The following NINL variants were observed in gnomAD, a reference collection of about 807,000 sequenced individuals.
NINL encodes the protein ninein like.
NINL carries 153 observed loss-of-function variants against 160.3 expected under a neutral mutation model. The ratio of observed to expected loss-of-function variants is 0.95; its 90% CI spans 0.84 to 1.09. The LOEUF (loss-of-function observed/expected upper bound fraction) is 1.09, where lower values mean the gene tolerates loss of function less well. NINL is among the 50% of genes least tolerant of loss of function. NINL has a pLI of 0.00. For missense variants in NINL, 1,829 were observed against 1,764.0 expected (o/e 1.04, Z -0.66); for synonymous variants, 800 against 734.8 (o/e 1.09, Z -1.43).
intron 1 of NINL, among the ~76,000 whole-genome samples, chr20:25,555,615 C>T (rs1274886973): frequency 2.0e-5 from 3 of 152,154 alleles, no homozygotes; most frequent in Admixed American, 1.3e-4. Flanking sequence ...CCTGTAATCC[C>T]AGCACTTTGG....
intron 1 of NINL, among the ~76,000 whole-genome samples, chr20:25,556,564 G>A (rs1311816719): frequency 6.6e-6 from 1 of 152,160 alleles, no homozygotes; most frequent in Non-Finnish European, 1.5e-5. Context: ...GGTCAAGGTT[G>A]CAGTGAGCCA....
At chr20:25,463,923 G>A (rs183879841) in intron 19 of NINL, among the ~76,000 whole-genome samples, 32 of 152,304 alleles carry the variant, frequency 2.1e-4, no homozygotes, top group African/African-American at 6.3e-4. Context: ...CGACATAAGC[G>A]TGTGGCAGTT....
intron 1 of NINL, among the ~76,000 whole-genome samples, chr20:25,532,603 G>GCTCCT (rs750609536): frequency 1.5e-4 from 23 of 152,190 alleles, no homozygotes; most frequent in East Asian, 3.9e-4. Flanking sequence ...ATTCAGAGCC[G>GCTCCT]CTCCTCTCCT....
intron 14 of NINL, 179 bp downstream of exon 14, chr20:25,481,789 G>T: frequency 1.1e-6 from 1 of 896,498 alleles, no homozygotes; most frequent in Non-Finnish European, 1.7e-6. Flanking sequence ...CTTCCGTGTT[G>T]CAAGGTCACC....
chr20:25,522,503 T>C (rs1051187006), intron 2 of NINL, among the ~76,000 whole-genome samples: 1 of 152,238 alleles, frequency 6.6e-6, no homozygotes, highest in African/African-American at 2.4e-5. Flanking sequence ...CTTGAATGCA[T>C]GTCCTTTCAC....
chr20:25,470,773 C>G (rs2063075480), intron 17 of NINL, among the ~76,000 whole-genome samples: 1 of 152,114 alleles, frequency 6.6e-6, no homozygotes. Flanking sequence ...GGCAGGAAGA[C>G]TGCTTGAGCC....
At chr20:25,466,943 C>T (rs563834939) in intron 19 of NINL, among the ~76,000 whole-genome samples, 11 of 152,330 alleles carry the variant, frequency 7.2e-5, no homozygotes, top group Non-Finnish European at 7.3e-5. Flanking sequence ...CCTGTCTCTA[C>T]TAAAAACACA....
At chr20:25,462,157 G>C (rs573427624) in intron 20 of NINL, among the ~76,000 whole-genome samples, 7 of 152,306 alleles carry the variant, frequency 4.6e-5, no homozygotes, top group Non-Finnish European at 8.8e-5. Context: ...GGGGAACTTT[G>C]TACCAATTCA....
rs139115585 is a variant in NINL at position 25,454,772 on chromosome 20, G to A, written c.3957+901C>T. On this transcript the variant is annotated intron_variant, in intron 23 of 23. Transcript: ENST00000278886. ...CCCTCAGGGCACAGCACTGCTGCACGTCAGTTCCCACCTGCTGAGTTGGAC... is the reference window on the plus strand; with the variant it reads ...CCCTCAGGGCACAGCACTGCTGCACATCAGTTCCCACCTGCTGAGTTGGAC... Among the ~76,000 whole-genome samples the A allele has an allele frequency of 1.6e-3, 241 of 152,286 alleles. 2 individuals carry two copies. Among genetic ancestry groups the A allele is most frequent in the African/African-American group, 5.5e-3 (229 of 41,568 alleles).
At chr20:25,539,542 G>A (rs1325700786) in intron 1 of NINL, among the ~76,000 whole-genome samples, 1 of 152,200 alleles carries the variant, frequency 6.6e-6, no homozygotes, top group Non-Finnish European at 1.5e-5. Context: ...ACTACACGCT[G>A]TAATACTGCC....
rs2064591592 is a variant in NINL, at chr20:25,538,061, A to T, written c.-11-11463T>A. Among the ~76,000 whole-genome samples the T allele has an allele frequency of 2.0e-5, 3 of 152,096 alleles. No homozygotes were observed. The South Asian group carries it at 6.2e-4, about 32-fold the overall frequency. On this transcript the variant is annotated intron_variant, in intron 1 of 23. Transcript: ENST00000278886. The stretch of plus-strand genomic sequence containing the variant: ...TTGGAGCTTGGCTTATCTGGGTGAA[A>T]GACACCAGGGCGTGAGATGCTGGTG...
intron 1 of NINL, among the ~76,000 whole-genome samples, chr20:25,548,174 G>T (rs139515746): frequency 1.1e-4 from 16 of 152,304 alleles, no homozygotes; most frequent in African/African-American, 2.6e-4. Flanking sequence ...GCTTGGTCGG[G>T]GGGGTTCTGC....
intron 1 of NINL, among the ~76,000 whole-genome samples, chr20:25,579,636 A>G (rs150158160): frequency 1.4e-4 from 21 of 151,936 alleles, no homozygotes; most frequent in Admixed American, 3.9e-4. Context: ...ATGGCCCAGG[A>G]CTCCACTACC....
rs1432534356 is a variant in NINL, at chr20:25,500,876, G to C, written c.996C>G (p.Thr332=). The change falls in exon 8 of 24, where the codon ACC becomes ACG. Residue 332 remains threonine (T), a synonymous_variant. Coordinates refer to ENST00000278886, the MANE Select transcript of NINL (RefSeq NM_025176.6). The part of the protein sequence containing the change: ...AFPDQVLAMW[T]QEGIQNGREI... ...CCCTGCCATTCTGAATCCCCTCCTG[G>C]GTCCACATGGCCAGGACCTGATCAG... The C allele has an allele frequency of 5.6e-6, 9 of 1,614,072 alleles. No individual in the cohort carries two copies. The East Asian group carries it at 6.7e-5, about 12-fold the overall frequency.
At chr20:25,538,655 G>A (rs2064603458) in intron 1 of NINL, among the ~76,000 whole-genome samples, 1 of 152,176 alleles carries the variant, frequency 6.6e-6, no homozygotes, top group African/African-American at 2.4e-5. Flanking sequence ...GGACTGGGGA[G>A]CAAAGGGCTG....
intron 22 of NINL, 63 bp from the exon 23 acceptor site, chr20:25,455,849 T>G (rs780254600): frequency 4.1e-5 from 56 of 1,376,918 alleles, no homozygotes; most frequent in Non-Finnish European, 1.4e-5. Context: ...TCCCAGCACT[T>G]TGGGAGGCCG....
intron 1 of NINL, among the ~76,000 whole-genome samples, chr20:25,563,237 C>T (rs2064965055): frequency 6.6e-6 from 1 of 152,168 alleles, no homozygotes; most frequent in African/African-American, 2.4e-5. Flanking sequence ...ATTTGTAACA[C>T]TGTCTGAAGC....
At chr20:25,497,057 G>A (rs1396816938) in intron 9 of NINL, among the ~76,000 whole-genome samples, 1 of 152,236 alleles carries the variant, frequency 6.6e-6, no homozygotes, top group Non-Finnish European at 1.5e-5. Context: ...AACCCAGGAA[G>A]ACTGAGCCTG....
intron 1 of NINL, among the ~76,000 whole-genome samples, chr20:25,557,586 G>T (rs932260783): frequency 6.6e-6 from 1 of 151,692 alleles, no homozygotes; most frequent in Non-Finnish European, 1.5e-5. Flanking sequence ...AAGATAGAAG[G>T]ACTTTTTATA....
Sources: gnomAD v4.1 joint callset for allele counts (sites outside exome capture counted in the v4.1 genomes callset) on GRCh38, gnomAD v4.1.1 for gene constraint, MANE v1.5 for transcripts, NCBI Gene and HGNC (gene_info 2026-07-23, HGNC 2026-07-21) for gene names.